Variants in ZNF536 observed in about 807,000 individuals in gnomAD.
ZNF536 encodes the protein zinc finger protein 536.
A neutral mutation model predicts 84.5 loss-of-function variants in ZNF536; 13 were observed. That is an observed-to-expected ratio of 0.15 (90% CI 0.10 to 0.24). The LOEUF is 0.24. Ranked by LOEUF, ZNF536 falls within the 10% of genes least tolerant of loss-of-function variation. The pLI is 1.00. For missense variants in ZNF536, 1,536 were observed against 1,747.5 expected (o/e 0.88, Z 2.16); for synonymous variants, 811 against 742.5 (o/e 1.09, Z -1.50).
intron 2 of ZNF536, among the ~76,000 whole-genome samples, chr19:30,454,705 C>T (rs1441002323): frequency 2.0e-5 from 3 of 152,118 alleles, no homozygotes; most frequent in African/African-American, 7.2e-5. Flanking sequence ...GGGCCAGACC[C>T]CTCGGAAATG....
chr19:30,335,248 A>G (rs1295826624), intron 2 of ZNF536, among the ~76,000 whole-genome samples: 1 of 152,168 alleles, frequency 6.6e-6, no homozygotes, highest in Admixed American at 6.5e-5. Context: ...TGGGAGAGCC[A>G]TTTAACCTCT....
intron 1 of ZNF536, among the ~76,000 whole-genome samples, chr19:30,660,424 C>G (rs1367227674): frequency 2.0e-5 from 3 of 152,200 alleles, no homozygotes; most frequent in East Asian, 1.9e-4. Context: ...CCTGTCATCT[C>G]TTTGGCAGCG....
At chr19:30,339,144 G>A (rs2047483790) in intron 2 of ZNF536, among the ~76,000 whole-genome samples, 1 of 152,222 alleles carries the variant, frequency 6.6e-6, no homozygotes, top group African/African-American at 2.4e-5. Context: ...TTCCTAGGCA[G>A]ATGCCTCCCC....
At chr19:30,317,256 C>T (rs1170476645) in intron 2 of ZNF536, among the ~76,000 whole-genome samples, 2 of 152,080 alleles carry the variant, frequency 1.3e-5, no homozygotes, top group Non-Finnish European at 2.9e-5. Flanking sequence ...CCACAAGAAA[C>T]TGAGGGGCAG....
chr19:30,565,902 A>G (rs372355989), intron 1 of ZNF536, among the ~76,000 whole-genome samples: 1 of 152,202 alleles, frequency 6.6e-6, no homozygotes, highest in African/African-American at 2.4e-5. Context: ...CAAGCACCGA[A>G]CCTGATAGCC....
At chr19:30,380,065 CG>C (rs2048964606) in intron 1 of ZNF536, among the ~76,000 whole-genome samples, 1 of 152,230 alleles carries the variant, frequency 6.6e-6, no homozygotes, top group South Asian at 2.1e-4. Context: ...GGCCACTCTT[CG>C]TGTTTCCTGC....
intron 1 of ZNF536, among the ~76,000 whole-genome samples, chr19:30,438,956 G>A (rs536576592): frequency 2.0e-5 from 3 of 152,226 alleles, no homozygotes; most frequent in African/African-American, 4.8e-5. Flanking sequence ...GAGCCGCTGC[G>A]TCTGGTCCCT....
chr19:30,550,081 C>T (rs1391450121), intron 4 of ZNF536, among the ~76,000 whole-genome samples: 2 of 152,270 alleles, frequency 1.3e-5, no homozygotes, highest in Admixed American at 1.3e-4. Context: ...TTAGACAAAC[C>T]AAATGGCAGT....
Position 30,374,310 on chromosome 19 carries a change from A to C in ZNF536, c.-3+1754A>C, listed in dbSNP as rs574797223. Among the ~76,000 whole-genome samples, 17 of 152,110 alleles carry C rather than the reference A, an allele frequency of 1.1e-4. No individual in the cohort carries two copies. The East Asian group carries it at 2.7e-3, about 24-fold the overall frequency. On this transcript the variant is annotated intron_variant, in intron 1 of 4. Transcript: ENST00000355537. ...TTTATATTAATATTAATGGAAATAT[A>C]TATATCTTAAATCTCCATCTTTTAG...
chr19:30,243,476 T>C (rs889600792), intron 1 of ZNF536, among the ~76,000 whole-genome samples: 57 of 152,246 alleles, frequency 3.7e-4, no homozygotes, highest in African/African-American at 1.4e-3. Flanking sequence ...AAACATTTGG[T>C]ATTTTATTTT....
At chr19:30,430,213 C>T (rs913485760) in intron 1 of ZNF536, among the ~76,000 whole-genome samples, 2 of 152,228 alleles carry the variant, frequency 1.3e-5, no homozygotes, top group African/African-American at 4.8e-5. Context: ...GGCATCCCCG[C>T]TTTCTCCCCA....
intron 1 of ZNF536, among the ~76,000 whole-genome samples, chr19:30,571,349 A>C (rs2046539259): frequency 6.6e-6 from 1 of 152,136 alleles, no homozygotes; most frequent in Admixed American, 6.5e-5. Flanking sequence ...TCGGGACTTC[A>C]GTGAAATATA....
intron 1 of ZNF536, among the ~76,000 whole-genome samples, chr19:30,571,687 C>A (rs932920629): frequency 9.2e-5 from 14 of 152,142 alleles, no homozygotes; most frequent in Non-Finnish European, 1.8e-4. Flanking sequence ...AGTGTGATCC[C>A]AACATCCGGC....
intron 2 of ZNF536, among the ~76,000 whole-genome samples, chr19:30,286,006 A>G (rs1484989850): frequency 6.6e-6 from 1 of 151,976 alleles, no homozygotes; most frequent in Admixed American, 6.6e-5. Context: ...TGGCTTTGGG[A>G]GAGAAGATGT....
intron 1 of ZNF536, among the ~76,000 whole-genome samples, chr19:30,440,703 A>G (rs928640154): frequency 2.0e-5 from 3 of 152,304 alleles, no homozygotes; most frequent in Non-Finnish European, 4.4e-5. Context: ...CAGGGTGGGC[A>G]CAGAGGGCTT....
At chr19:30,339,939 A>C (rs148186526) in intron 2 of ZNF536, among the ~76,000 whole-genome samples, 81 of 152,158 alleles carry the variant, frequency 5.3e-4, no homozygotes, top group African/African-American at 1.8e-3. Flanking sequence ...GGTATCCTGC[A>C]AGGGTGAGCT....
At chr19:30,256,087 T>C (rs1269959146) in intron 1 of ZNF536, among the ~76,000 whole-genome samples, 1 of 152,204 alleles carries the variant, frequency 6.6e-6, no homozygotes, top group Admixed American at 6.5e-5. Flanking sequence ...TTCTCTCTCC[T>C]TTTTTCTTTC....
intron 2 of ZNF536, among the ~76,000 whole-genome samples, chr19:30,484,205 G>A (rs1168572886): frequency 6.0e-5 from 9 of 150,908 alleles, no homozygotes; most frequent in African/African-American, 2.2e-4. Flanking sequence ...TCATCAGTGT[G>A]GGGTGTTTTC....
chr19:30,622,338 C>A (rs2048510989), intron 1 of ZNF536, among the ~76,000 whole-genome samples: 2 of 152,238 alleles, frequency 1.3e-5, no homozygotes, highest in Non-Finnish European at 2.9e-5. Context: ...TATGAACCAG[C>A]AGTGTTTAGG....
Sources: allele counts gnomAD v4.1 joint callset (sites outside exome capture counted in the v4.1 genomes callset), GRCh38; gene constraint gnomAD v4.1.1; transcripts MANE v1.5; gene names NCBI Gene and HGNC (gene_info 2026-07-23, HGNC 2026-07-21).